Variants in PARP9 observed in about 807,000 individuals in gnomAD.
PARP9 encodes protein mono-ADP-ribosyltransferase PARP9.
Under a neutral mutation model 68.8 loss-of-function variants are expected in PARP9, and 48 were observed. The observed-to-expected ratio is 0.70, with a 90% confidence interval of 0.55 to 0.89. The LOEUF (loss-of-function observed/expected upper bound fraction) is 0.89. Among genes scored for constraint, PARP9 ranks in the 40% least tolerant of loss-of-function variants. The probability of loss-of-function intolerance (pLI) is 0.00; values close to 1 mark genes in which losing one functional copy is unlikely to be tolerated. For missense variants in PARP9, 806 were observed against 969.3 expected, an observed-to-expected ratio of 0.83 and a Z score of 2.24; for synonymous variants, 309 against 333.8, an observed-to-expected ratio of 0.93 and a Z score of 0.81.
intron 10 of PARP9, chr3:122,535,034 G>A (rs1419527005): frequency 1.0e-6 from 1 of 980,080 alleles, no homozygotes; most frequent in Non-Finnish European, 1.2e-6. Context: ...AAGTAGCAGA[G>A]TCTGTCACAG....
intron 10 of PARP9, among the ~76,000 whole-genome samples, chr3:122,529,687 G>C (rs1173558518): frequency 6.6e-6 from 1 of 151,138 alleles, no homozygotes; most frequent in Non-Finnish European, 1.5e-5. Context: ...CCGGGAGGCG[G>C]AGCTTGCAGT....
chr3:122,544,897 C>T (rs1188172738), intron 7 of PARP9, among the ~76,000 whole-genome samples: 1 of 152,136 alleles, frequency 6.6e-6, no homozygotes. Flanking sequence ...AATAGATATG[C>T]TTGGCCCAGA....
intron 3 of PARP9, among the ~76,000 whole-genome samples, chr3:122,557,555 A>T (rs973913711): frequency 2.0e-5 from 3 of 152,220 alleles, no homozygotes; most frequent in African/African-American, 7.2e-5. Context: ...AGCCAAGGTC[A>T]TGCTATTCTC....
At chr3:122,535,446 T>C in intron 10 of PARP9, 1 of 985,436 alleles carries the variant, frequency 1.0e-6, no homozygotes, top group Non-Finnish European at 1.2e-6. Flanking sequence ...AAGAGCCACA[T>C]ATTTAATAGA....
chr3:122,535,388 T>C, intron 10 of PARP9: 6 of 985,396 alleles, frequency 6.1e-6, no homozygotes, highest in Non-Finnish European at 6.0e-6. Context: ...TCTATTGGAA[T>C]TGACTCCTCA....
At chr3:122,545,720 A>G (rs1442343687) in intron 6 of PARP9, 2 of 532,678 alleles carry the variant, frequency 3.8e-6, no homozygotes, top group Non-Finnish European at 6.7e-6. Flanking sequence ...AAAATCTGGT[A>G]TAAATAAAGA....
rs1252567111 is a variant in PARP9, at chr3:122,536,768, C to T, written c.1905+166G>A. The stretch of plus-strand genomic sequence containing the variant: ...TCCTACCTCCCGATTCCAACTATAT[C>T]CCTCGTGCCTGCCCTGCCCTGCTCT... On this transcript the variant is annotated intron_variant, in intron 9 of 10. Transcript: ENST00000682323. 1.8e-5 allele frequency: 13 copies of T among 742,266 alleles called. 1 individual carries two copies. The highest frequency in any genetic ancestry group is 2.3e-5 in the Non-Finnish European group (11 of 469,934). 46.0% of individuals were successfully genotyped at this position (742,266 alleles called of 1,614,324 possible).
intron 8 of PARP9, 109 bp downstream of exon 8, chr3:122,540,363 C>G: frequency 8.3e-6 from 11 of 1,326,516 alleles, no homozygotes; most frequent in Non-Finnish European, 1.1e-5. Flanking sequence ...AATGTTTGAT[C>G]CCTCCTCTCT....
rs1180895122 is a variant in PARP9 at position 122,550,809 on chromosome 3, G to A, written c.1108-7C>T. 6 of 1,607,216 alleles carry A rather than the reference G, an allele frequency of 3.7e-6. No individual in the cohort carries two copies. The East Asian group carries it at 6.7e-5, about 18-fold the overall frequency. ...TCATTGCATGTTTTAATATCTGCAG[G>A]AAAACACAAATTTAAGATCAGCATT... is the stretch of plus-strand genomic sequence containing the variant. On this transcript the variant is annotated splice_polypyrimidine_tract_variant and splice_region_variant and intron_variant, in intron 5 of 10. Coordinates refer to ENST00000682323, the MANE Select transcript of PARP9 (RefSeq NM_001146105.2).
intron 9 of PARP9, chr3:122,536,686 G>T: frequency 1.8e-6 from 1 of 544,564 alleles, no homozygotes; most frequent in South Asian, 2.7e-5. Context: ...CTTTTATTTT[G>T]CTCAAAGACG....
chr3:122,551,395 T>C (rs542184509), intron 5 of PARP9, among the ~76,000 whole-genome samples: 50 of 152,250 alleles, frequency 3.3e-4, no homozygotes, highest in Middle Eastern at 3.4e-3. Flanking sequence ...GGACCAGAAA[T>C]GGTGAAGAAG....
At chr3:122,533,562 G>A (rs2077445702) in intron 10 of PARP9, 1 of 495,682 alleles carries the variant, frequency 2.0e-6, no homozygotes, top group African/African-American at 2.1e-5. Context: ...GGCAACAGGT[G>A]AACTCGTGAG....
chr3:122,544,695 G>A (rs1165363972), intron 7 of PARP9, among the ~76,000 whole-genome samples: 1 of 152,148 alleles, frequency 6.6e-6, no homozygotes, highest in East Asian at 1.9e-4. Flanking sequence ...AATTAGCTGG[G>A]TGTGGTGGCA....
At chr3:122,544,495 C>T (rs939519739) in intron 7 of PARP9, among the ~76,000 whole-genome samples, 1 of 152,096 alleles carries the variant, frequency 6.6e-6, no homozygotes, top group Admixed American at 6.5e-5. Flanking sequence ...ACAGCACTGC[C>T]AGGCCACTGA....
intron 10 of PARP9, 75 bp from the exon 11 acceptor site, chr3:122,528,818 C>A: frequency 1.4e-5 from 19 of 1,315,316 alleles, no homozygotes; most frequent in East Asian, 2.5e-5. Context: ...GTACTAATAT[C>A]TATTCTTTCT....
chr3:122,539,512 T>TTTCTTTCTTTCC (rs2077955150), intron 8 of PARP9, among the ~76,000 whole-genome samples: 3 of 17,322 alleles, frequency 1.7e-4, no homozygotes, highest in African/African-American at 2.6e-4. Context: ...ATGGCATTTC[T>TTTCTTTCTTTCC]TTCTTTCTTT....
chr3:122,557,547 C>G (rs2079805708), intron 3 of PARP9, among the ~76,000 whole-genome samples: 1 of 152,180 alleles, frequency 6.6e-6, no homozygotes, highest in Non-Finnish European at 1.5e-5. Flanking sequence ...CAGCTTTCAG[C>G]CAAGGTCATG....
Position 122,558,440 on chromosome 3 carries a change from T to G in PARP9, c.43A>C (p.Lys15Gln). 1 of 1,614,120 alleles carries G rather than the reference T, an allele frequency of 6.2e-7. No homozygotes were observed. The highest frequency in any genetic ancestry group is 8.5e-7 in the Non-Finnish European group (1 of 1,180,000). ...GAGAGCGAGGTAATCCTACCTGATTTTTCATTGTAAGCTGCTGCTCCGGCC... is the reference window on the plus strand; with the variant it reads ...GAGAGCGAGGTAATCCTACCTGATTGTTCATTGTAAGCTGCTGCTCCGGCC... ...MVAGAAAYNE[K>Q]SETGALGENY... Residue 15 changes from lysine to glutamine, a missense_variant, in exon 3 of 11, where the codon AAA becomes CAA. Coordinates refer to ENST00000682323, the MANE Select transcript of PARP9 (RefSeq NM_001146105.2).
chr3:122,556,001 A>G lies in PARP9; in HGVS notation c.170T>C (p.Ile57Thr). ...CTGAACTGGAGAGACCAGGGTAGAG[A>G]TACAGCCAAACTTATTCTGGAGGAC... The part of the protein sequence containing the change: ...CEVLQNKFGC[I>T]STLVSPVQEG... The change falls in exon 4 of 11, where the codon ATC (isoleucine) becomes ACC (threonine). Residue 57 changes from isoleucine to threonine, a missense_variant. Around this residue, in one of 2 missense-constraint regions of PARP9, gnomAD observed 126 missense variants for 110.5 expected, o/e 1.14. Coordinates refer to ENST00000682323, the MANE Select transcript of PARP9 (RefSeq NM_001146105.2). The G allele has an allele frequency of 6.2e-7, 1 of 1,614,056 alleles. No homozygotes were observed. The highest frequency in any genetic ancestry group is 1.1e-5 in the South Asian group (1 of 91,078).
Sources: gnomAD v4.1 joint callset for allele counts (sites outside exome capture counted in the v4.1 genomes callset) on GRCh38, gnomAD v4.1.1 for gene constraint, gnomAD v4.1.1 regional missense constraint, MANE v1.5 for transcripts, NCBI Gene and HGNC (gene_info 2026-07-23, HGNC 2026-07-21) for gene names.